Variants in CUEDC1 observed in about 807,000 individuals in gnomAD.
The protein encoded by CUEDC1 is CUE domain containing 1, also known as CUE domain-containing protein 1.
In CUEDC1, 30 loss-of-function variants were observed where a neutral mutation model predicts 43.7. The ratio of observed to expected loss-of-function variants is 0.69; its 90% CI spans 0.51 to 0.93. The LOEUF (loss-of-function observed/expected upper bound fraction) is 0.93, where lower values mean the gene tolerates loss of function less well. Ranked by LOEUF, CUEDC1 falls within the 40% of genes least tolerant of loss-of-function variation. The probability of loss-of-function intolerance (pLI) is 0.00; values close to 1 mark genes in which losing one functional copy is unlikely to be tolerated. For missense variants in CUEDC1, 486 were observed against 549.0 expected (o/e 0.89, Z 1.15); for synonymous variants, 223 against 223.6 (o/e 1.00, Z 0.02).
chr17:57,900,811 T>C (rs779269163), intron 1 of CUEDC1, among the ~76,000 whole-genome samples: 33 of 152,250 alleles, frequency 2.2e-4, no homozygotes, highest in Non-Finnish European at 3.4e-4. Flanking sequence ...TCTTTAAAGC[T>C]GTTTGCATCT....
chr17:57,863,020 C>T lies in CUEDC1; in HGVS notation c.*269G>A, dbSNP rs549715963. On this transcript the variant is annotated 3_prime_UTR_variant, in exon 11 of 11. Coordinates refer to ENST00000577830, the MANE Select transcript of CUEDC1 (RefSeq NM_001271875.2). Reference sequence around the variant, plus strand: ...CATTTCCACTCTTTGACCATAGGAACGCCTGGCTACAAAAGGGGCTGTAAT... The same window carrying T: ...CATTTCCACTCTTTGACCATAGGAATGCCTGGCTACAAAAGGGGCTGTAAT... 5.9e-5 allele frequency: 9 copies of T among 152,010 alleles called. No homozygotes were observed. The highest frequency in any genetic ancestry group is 2.1e-4 in the South Asian group (1 of 4,796). 9.4% of individuals were successfully genotyped at this position (152,010 alleles called of 1,614,324 possible).
Position 57,885,630 on chromosome 17 carries a change from G to A in CUEDC1, c.-66C>T, listed in dbSNP as rs2074280357. On this transcript the variant is annotated 5_prime_UTR_variant, in exon 2 of 11. Transcript: ENST00000577830. ...AAAGCCCCTTCCCCAGGGTCTTTCC[G>A]CCGTCAGCCGCTTACTTGCCCTGCG... The A allele has an allele frequency of 3.7e-6, 5 of 1,333,434 alleles. No homozygotes were observed. In the South Asian group the frequency reaches 7.8e-5, roughly 21 times the overall value. The allele number at this position is 1,333,434 out of a possible 1,614,324, so 82.6% of individuals were successfully genotyped here. A position where few individuals can be genotyped will look rare whatever the true frequency, so the allele number is the denominator to read the frequency against.
chr17:57,951,947 C>T (rs553844857), intron 1 of CUEDC1, among the ~76,000 whole-genome samples: 2 of 152,288 alleles, frequency 1.3e-5, no homozygotes, highest in East Asian at 1.9e-4. Flanking sequence ...TGCGCTGACA[C>T]ATCAGAGGTT....
chr17:57,895,327 G>A lies in CUEDC1; in HGVS notation c.-315-9448C>T, dbSNP rs1050758685. The stretch of plus-strand genomic sequence containing the variant: ...ACCATTCCATATTCCCTAGAGCCTA[G>A]CACAGAGCTGGGCACACAGCAAGAA... On this transcript the variant is annotated intron_variant, in intron 1 of 10. Transcript: ENST00000577830. Among the ~76,000 whole-genome samples, 6 of 152,294 alleles carry A rather than the reference G, an allele frequency of 3.9e-5. 1 individual carries two copies. The East Asian group carries it at 1.2e-3, about 29-fold the overall frequency.
In CUEDC1 at chr17:57,873,746, G is replaced by A. The variant is rs761289617; in HGVS notation, c.465-29C>T. The A allele has an allele frequency of 6.5e-6, 10 of 1,531,912 alleles. No individual in the cohort carries two copies. In the Admixed American group the frequency reaches 8.0e-5, roughly 12 times the overall value. 94.9% of individuals were successfully genotyped at this position (1,531,912 alleles called of 1,614,324 possible). A position where few individuals can be genotyped will look rare whatever the true frequency, so the allele number is the denominator to read the frequency against. ...GGGGATGGCAGGTGACAGGGAAGAGGAAGTCATTAAGCCCAACCCCAGGTC... is the reference window on the plus strand; with the variant it reads ...GGGGATGGCAGGTGACAGGGAAGAGAAAGTCATTAAGCCCAACCCCAGGTC... On this transcript the variant is annotated intron_variant, in intron 3 of 10. Coordinates refer to ENST00000577830, the MANE Select transcript of CUEDC1 (RefSeq NM_001271875.2).
chr17:57,930,135 T>C lies in CUEDC1; in HGVS notation c.-316+25090A>G, dbSNP rs1456263747. Among the ~76,000 whole-genome samples, 1 of 152,132 alleles carries C rather than the reference T, an allele frequency of 6.6e-6. No individual in the cohort carries two copies. The highest frequency in any genetic ancestry group is 1.9e-4 in the East Asian group (1 of 5,188). ...AGACTTTAATGTGCACACGAACCAC[T>C]GGGGACCTTGTTAAAATGTAGATAG... On this transcript the variant is annotated intron_variant, in intron 1 of 10. Transcript: ENST00000577830. This position sits in a 1 kb window ranked among gnomAD's most constrained non-coding sequence, Gnocchi z 4.2.
intron 1 of CUEDC1, among the ~76,000 whole-genome samples, chr17:57,947,771 C>T (rs1359524129): frequency 6.6e-6 from 1 of 151,866 alleles, no homozygotes; most frequent in Non-Finnish European, 1.5e-5. Flanking sequence ...ACACTGCACT[C>T]CAGCCTGGGT....
intron 1 of CUEDC1, among the ~76,000 whole-genome samples, chr17:57,936,826 C>CT (rs34167520): frequency 5.3e-4 from 76 of 143,920 alleles, no homozygotes; most frequent in East Asian, 2.0e-3. Context: ...TTCATTCACA[C>CT]TTTTTTTTTT....
intron 1 of CUEDC1, among the ~76,000 whole-genome samples, chr17:57,889,832 A>G (rs529465501): frequency 2.2e-4 from 33 of 152,256 alleles, no homozygotes; most frequent in Non-Finnish European, 4.0e-4. Context: ...GAGGCCCCCA[A>G]TTCTCAGAGC....
chr17:57,932,840 C>T (rs1049185794), intron 1 of CUEDC1, among the ~76,000 whole-genome samples: 1 of 150,700 alleles, frequency 6.6e-6, no homozygotes, highest in Admixed American at 6.6e-5. Flanking sequence ...CTGGCCTGGG[C>T]AACAAGAGCA....
chr17:57,919,416 G>C (rs1412920167), intron 1 of CUEDC1, among the ~76,000 whole-genome samples: 1 of 152,190 alleles, frequency 6.6e-6, no homozygotes, highest in Non-Finnish European at 1.5e-5. Context: ...CTGACTTCAA[G>C]TGATCTTCCC....
chr17:57,945,794 C>A (rs140573598), intron 1 of CUEDC1, among the ~76,000 whole-genome samples: 1 of 151,886 alleles, frequency 6.6e-6, no homozygotes, highest in Non-Finnish European at 1.5e-5. Flanking sequence ...CTGAGGTGGG[C>A]GGATCAGTTG....
intron 1 of CUEDC1, among the ~76,000 whole-genome samples, chr17:57,931,351 G>A (rs2074802321): frequency 6.6e-6 from 1 of 152,074 alleles, no homozygotes; most frequent in Non-Finnish European, 1.5e-5. Context: ...AAAAACCCCA[G>A]ATCTCCCATT....
chr17:57,932,880 T>C (rs1266472953), intron 1 of CUEDC1, among the ~76,000 whole-genome samples: 2 of 149,866 alleles, frequency 1.3e-5, no homozygotes, highest in Admixed American at 1.3e-4. Context: ...AAAAAAAGTC[T>C]GGTCCAGGCG....
intron 2 of CUEDC1, among the ~76,000 whole-genome samples, chr17:57,884,417 C>T (rs1190777685): frequency 2.0e-5 from 3 of 151,972 alleles, no homozygotes; most frequent in East Asian, 3.9e-4. Context: ...AGGCTGGTCT[C>T]GAACTCCTGA....
At chr17:57,907,925 G>A (rs2074545479) in intron 1 of CUEDC1, among the ~76,000 whole-genome samples, 1 of 151,848 alleles carries the variant, frequency 6.6e-6, no homozygotes, top group Non-Finnish European at 1.5e-5. Context: ...TCTTGCAGAA[G>A]GCCCAAATTC....
At chr17:57,891,905 A>C (rs1011466282) in intron 1 of CUEDC1, among the ~76,000 whole-genome samples, 4 of 152,080 alleles carry the variant, frequency 2.6e-5, no homozygotes, top group African/African-American at 9.7e-5. Context: ...AATATTATAC[A>C]TTTGTCACTG....
At chr17:57,924,914 A>T (rs2074732443) in intron 1 of CUEDC1, among the ~76,000 whole-genome samples, 1 of 152,324 alleles carries the variant, frequency 6.6e-6, no homozygotes, top group Admixed American at 6.5e-5. Context: ...GCTTAAAATA[A>T]AGATGAGTTT....
intron 1 of CUEDC1, among the ~76,000 whole-genome samples, chr17:57,899,076 T>G (rs1458051669): frequency 6.6e-6 from 1 of 151,458 alleles, no homozygotes; most frequent in Non-Finnish European, 1.5e-5. Context: ...GAACAGAGGC[T>G]GGGAGGGAGG....
Sources: allele counts gnomAD v4.1 joint callset (sites outside exome capture counted in the v4.1 genomes callset), GRCh38; gene constraint gnomAD v4.1.1; non-coding constraint Gnocchi (gnomAD v3.1); transcripts MANE v1.5; gene names NCBI Gene and HGNC (gene_info 2026-07-23, HGNC 2026-07-21).